ZNF169: variants seen among roughly 807,000 people sequenced by gnomAD.
ZNF169 encodes zinc finger protein 169.
ZNF169 carries 11 observed loss-of-function variants against 12.0 expected under a neutral mutation model. The ratio of observed to expected loss-of-function variants is 0.92; its 90% CI spans 0.58 to 1.52. The LOEUF is 1.52. Among genes scored for constraint, ZNF169 ranks in the 40% most tolerant of loss-of-function variants. The pLI is 0.00. For synonymous variants in ZNF169, 302 were observed against 286.5 expected, an observed-to-expected ratio of 1.05 and a Z score of -0.55; for missense variants, 722 against 744.0, an observed-to-expected ratio of 0.97 and a Z score of 0.34.
intron 1 of ZNF169, among the ~76,000 whole-genome samples, chr9:94,278,141 C>CT (rs1830558141): frequency 6.6e-6 from 1 of 152,206 alleles, no homozygotes; most frequent in Non-Finnish European, 1.5e-5. Flanking sequence ...TCTACCCCTA[C>CT]TTCTCGCTTC....
chr9:94,271,680 A>G (rs963685476), intron 1 of ZNF169, among the ~76,000 whole-genome samples: 1 of 142,708 alleles, frequency 7.0e-6, no homozygotes, highest in African/African-American at 2.6e-5. Flanking sequence ...AGATTGTGCC[A>G]TTGCACTCCA....
chr9:94,300,832 C>A lies in ZNF169; in HGVS notation c.1274C>A (p.Thr425Lys), dbSNP rs200683862. Reference protein sequence around the residue: ...VTLIRHQRTHTGEKPYLCPQC... With the variant: ...VTLIRHQRTHKGEKPYLCPQC... ...CTCATCAGGCACCAGAGGACACACA[C>A]AGGGGAGAAGCCTTACCTGTGCCCC... The change falls in exon 5 of 5, where the codon ACA (threonine) becomes AAA (lysine). Residue 425 changes from threonine to lysine, a missense_variant. By Grantham distance (78) the Thr-to-Lys change is moderately conservative. Transcript: ENST00000395395. 2 of 1,614,116 alleles carry A rather than the reference C, an allele frequency of 1.2e-6. No individual in the cohort carries two copies. Among genetic ancestry groups the A allele is most frequent in the Non-Finnish European group, 8.5e-7 (1 of 1,180,014 alleles).
intron 1 of ZNF169, among the ~76,000 whole-genome samples, chr9:94,273,276 T>C (rs1830456519): frequency 6.6e-6 from 1 of 152,030 alleles, no homozygotes; most frequent in South Asian, 2.1e-4. Flanking sequence ...AGTGTCATAT[T>C]CCAGAAATCA....
At chr9:94,292,294 T>C (rs770867519) in intron 2 of ZNF169, 47 bp from the exon 3 acceptor site, 1 of 1,613,418 alleles carries the variant, frequency 6.2e-7, no homozygotes, top group South Asian at 1.1e-5. Flanking sequence ...AGTTGGTTAG[T>C]GGGCATGGCT....
intron 1 of ZNF169, among the ~76,000 whole-genome samples, chr9:94,275,532 C>A (rs10993140): frequency 0.19 from 29,602 of 152,130 alleles, 3,201 homozygotes; most frequent in East Asian, 0.37. Context: ...ATTGTCAGTT[C>A]ACTTTTCCAT....
In ZNF169 at chr9:94,300,454, TC is replaced by T; in HGVS notation, c.897del (p.Phe299LeufsTer33). 6.2e-7 allele frequency: 1 copy of T among 1,613,986 alleles called. No homozygotes were observed. The highest frequency in any genetic ancestry group is 8.5e-7 in the Non-Finnish European group (1 of 1,179,990). On this transcript the variant is annotated frameshift_variant, in exon 5 of 5. Coordinates refer to ENST00000395395, the MANE Select transcript of ZNF169 (RefSeq NM_194320.4). LOFTEE classifies it low-confidence loss of function (END_TRUNC). ...PYVCRECGRH[F>X]RYTSSLTNHK... ...GTGTGCAGGGAATGTGGGCGACACT[TC>T]AGGTATACATCCTCTCTCACTAATC...
chr9:94,260,031 C>T (rs1830172201), intron 1 of ZNF169, among the ~76,000 whole-genome samples: 1 of 151,856 alleles, frequency 6.6e-6, no homozygotes, highest in Non-Finnish European at 1.5e-5. Flanking sequence ...CCCGCGTCAG[C>T]CTCCCGAGCA....
At chr9:94,291,721 A>T (rs1037639696) in intron 2 of ZNF169, among the ~76,000 whole-genome samples, 7 of 152,046 alleles carry the variant, frequency 4.6e-5, no homozygotes, top group Non-Finnish European at 5.9e-5. Context: ...AAAATTACTT[A>T]AAAAAAAGAA....
intron 3 of ZNF169, 112 bp from the exon 4 acceptor site, chr9:94,292,862 A>C (rs2118644702): frequency 4.6e-6 from 4 of 863,392 alleles, no homozygotes; most frequent in Non-Finnish European, 7.4e-6. Context: ...CCACCCCTGC[A>C]CCTCCCTACC....
At chr9:94,280,671 G>T (rs1170934958) in intron 2 of ZNF169, among the ~76,000 whole-genome samples, 1 of 152,198 alleles carries the variant, frequency 6.6e-6, no homozygotes, top group Admixed American at 6.5e-5. Context: ...GAGGGGAAGG[G>T]GTTCTTATTC....
At chr9:94,261,067 C>G (rs986022400) in intron 1 of ZNF169, among the ~76,000 whole-genome samples, 4 of 150,768 alleles carry the variant, frequency 2.7e-5, no homozygotes, top group African/African-American at 9.8e-5. Context: ...GAGTCTTGCT[C>G]TGTCGCCAGG....
At chr9:94,289,133 C>T (rs557804985) in intron 2 of ZNF169, among the ~76,000 whole-genome samples, 2 of 152,152 alleles carry the variant, frequency 1.3e-5, no homozygotes, top group East Asian at 3.9e-4. Flanking sequence ...GGTGTGGTGG[C>T]TTATCCTGTA....
chr9:94,281,206 T>G (rs931704675), intron 2 of ZNF169, among the ~76,000 whole-genome samples: 6 of 152,198 alleles, frequency 3.9e-5, no homozygotes, highest in Admixed American at 3.3e-4. Context: ...TTTGTTATGA[T>G]GCATGTTATT....
intron 4 of ZNF169, among the ~76,000 whole-genome samples, chr9:94,296,483 C>T (rs959246068): frequency 2.6e-5 from 4 of 152,048 alleles, no homozygotes; most frequent in Admixed American, 2.0e-4. Flanking sequence ...AGTAATTTTA[C>T]AATTTTTAAT....
At chr9:94,290,089 T>C (rs1229628331) in intron 2 of ZNF169, among the ~76,000 whole-genome samples, 1 of 152,216 alleles carries the variant, frequency 6.6e-6, no homozygotes, top group African/African-American at 2.4e-5. Flanking sequence ...AGTCATGTAA[T>C]GTTGGTCATA....
intron 1 of ZNF169, among the ~76,000 whole-genome samples, chr9:94,277,727 C>A (rs377199117): frequency 3.3e-5 from 5 of 151,698 alleles, no homozygotes; most frequent in African/African-American, 1.2e-4. Context: ...GTCAGGAGAT[C>A]GAGACCATCC....
chr9:94,277,255 T>A (rs1358584972), intron 1 of ZNF169, among the ~76,000 whole-genome samples: 1 of 152,104 alleles, frequency 6.6e-6, no homozygotes, highest in East Asian at 1.9e-4. Context: ...GGAGACCAAG[T>A]TTTATTGTGC....
rs978561931 is a variant in ZNF169, at chr9:94,299,883, C to A, written c.325C>A (p.Gln109Lys). 1 of 1,614,144 alleles carries A rather than the reference C, an allele frequency of 6.2e-7. No individual in the cohort carries two copies. Among genetic ancestry groups the A allele is most frequent in the South Asian group, 1.1e-5 (1 of 91,084 alleles). Residue 109 changes from glutamine (Q) to lysine (K), a missense_variant, in exon 5 of 5, where the codon CAA becomes AAA. By Grantham distance (53) the Gln-to-Lys change is moderately conservative. Transcript: ENST00000395395. ...VAFSSSQLLR[Q>K]YALSGHPTQI... ...CTTTTCTAGCTCGCAGCTCCTCAGA[C>A]AATATGCGCTAAGTGGCCATCCCAC...
chr9:94,297,519 CCTT>C (rs1215579423), intron 4 of ZNF169, among the ~76,000 whole-genome samples: 6 of 152,088 alleles, frequency 3.9e-5, no homozygotes, highest in Admixed American at 2.6e-4. Flanking sequence ...ATATGAAGGA[CCTT>C]CTCTGTATTC....
Sources: allele counts gnomAD v4.1 joint callset (sites outside exome capture counted in the v4.1 genomes callset), GRCh38; gene constraint gnomAD v4.1.1; transcripts MANE v1.5; gene names NCBI Gene and HGNC (gene_info 2026-07-23, HGNC 2026-07-21).